WWOX: variants seen among roughly 807,000 people sequenced by gnomAD.
WWOX encodes WW domain containing oxidoreductase.
Under a neutral mutation model 46.2 loss-of-function variants are expected in WWOX, and 69 were observed. That is an observed-to-expected ratio of 1.49 (90% CI 1.23 to 1.82). The LOEUF (loss-of-function observed/expected upper bound fraction) is 1.82. WWOX is among the 40% of genes most tolerant of loss of function. The pLI, the probability that WWOX is intolerant of heterozygous loss-of-function variation, is 0.00. For synonymous variants in WWOX, 359 were observed against 202.6 expected (o/e 1.77, Z -6.56); for missense variants, 919 against 542.6 (o/e 1.69, Z -6.89).
At chr16:78,376,657 T>C (rs187476059) in intron 5 of WWOX, among the ~76,000 whole-genome samples, 2 of 152,294 alleles carry the variant, frequency 1.3e-5, no homozygotes, top group African/African-American at 4.8e-5. Flanking sequence ...TTGTAAGATA[T>C]TGAGTAGCAT....
rs192831528 is a variant in WWOX at position 78,382,988 on chromosome 16, G to C, written c.517-3872G>C. 1.0e-3 allele frequency among the ~76,000 whole-genome samples: 151 copies of C among 151,658 alleles called. 1 individual carries two copies. Among genetic ancestry groups the C allele is most frequent in the Non-Finnish European group, 2.4e-4 (16 of 67,968 alleles). On this transcript the variant is annotated intron_variant, in intron 5 of 8. Coordinates refer to ENST00000566780, the MANE Select transcript of WWOX (RefSeq NM_016373.4). ...TTCCAATCATGGCGAAGAGGAAGCAGGCAAATCTTAGCAGGAGCAGGAGGA... is the reference window on the plus strand; with the variant it reads ...TTCCAATCATGGCGAAGAGGAAGCACGCAAATCTTAGCAGGAGCAGGAGGA...
At chr16:78,194,722 C>T (rs961735778) in intron 5 of WWOX, among the ~76,000 whole-genome samples, 4 of 152,066 alleles carry the variant, frequency 2.6e-5, no homozygotes, top group African/African-American at 9.7e-5. Context: ...TCACCCCCAA[C>T]CCCAAACCCC....
intron 8 of WWOX, among the ~76,000 whole-genome samples, chr16:78,449,261 T>C (rs370260836): frequency 6.6e-5 from 10 of 152,174 alleles, no homozygotes; most frequent in East Asian, 5.8e-4. Flanking sequence ...ATAGAATCCA[T>C]TGGTAAAATG....
intron 8 of WWOX, among the ~76,000 whole-genome samples, chr16:78,989,829 TGTGTG>T (rs2046849509): frequency 1.3e-5 from 2 of 150,320 alleles, no homozygotes; most frequent in South Asian, 2.1e-4. Flanking sequence ...AGCGTGTGTG[TGTGTG>T]TGTGTGTGTG....
At chr16:78,503,098 G>C (rs1427832513) in intron 8 of WWOX, among the ~76,000 whole-genome samples, 1 of 152,142 alleles carries the variant, frequency 6.6e-6, no homozygotes, top group Non-Finnish European at 1.5e-5. Flanking sequence ...GACTGTTTTT[G>C]AGATTTATGA....
In WWOX at chr16:79,034,181, A is replaced by G. The variant is rs543780295; in HGVS notation, c.1057-177427A>G. Reference sequence around the variant, plus strand: ...CTTCTCCATCTATAACATTTCCCACATGCTACACTGAAGGGATATTTTAAG... The same window carrying G: ...CTTCTCCATCTATAACATTTCCCACGTGCTACACTGAAGGGATATTTTAAG... On this transcript the variant is annotated intron_variant, in intron 8 of 8. Transcript: ENST00000566780. Among the ~76,000 whole-genome samples the G allele has an allele frequency of 3.9e-5, 6 of 152,284 alleles. No individual in the cohort carries two copies. In the East Asian group the frequency reaches 7.7e-4, roughly 20 times the overall value.
At chr16:78,925,232 G>T (rs2045471473) in intron 8 of WWOX, among the ~76,000 whole-genome samples, 1 of 152,154 alleles carries the variant, frequency 6.6e-6, no homozygotes, top group Non-Finnish European at 1.5e-5. Context: ...CATTGGCTAA[G>T]CCTGGTAGAA....
intron 8 of WWOX, among the ~76,000 whole-genome samples, chr16:79,086,879 T>G (rs778485270): frequency 1.3e-5 from 2 of 152,114 alleles, no homozygotes; most frequent in African/African-American, 2.4e-5. Context: ...TGAGACCCTG[T>G]CCCAAAACAA....
chr16:78,361,024 T>G (rs2081399294), intron 5 of WWOX, among the ~76,000 whole-genome samples: 1 of 152,160 alleles, frequency 6.6e-6, no homozygotes, highest in Non-Finnish European at 1.5e-5. Flanking sequence ...GGTTTCATCA[T>G]GTTGCACAGG....
chr16:79,003,597 G>T (rs188723979), intron 8 of WWOX, among the ~76,000 whole-genome samples: 9 of 152,166 alleles, frequency 5.9e-5, no homozygotes, highest in South Asian at 2.1e-4. Flanking sequence ...AGGAGAGCTG[G>T]CCTTGGAGAG....
intron 8 of WWOX, among the ~76,000 whole-genome samples, chr16:78,534,796 A>G (rs28442197): frequency 0.014 from 2,143 of 151,432 alleles, 23 homozygotes; most frequent in African/African-American, 0.027. Context: ...TGCAACCTCC[A>G]CCTCCCGGGT....
At chr16:78,202,376 G>A (rs1053458390) in intron 5 of WWOX, among the ~76,000 whole-genome samples, 5 of 152,212 alleles carry the variant, frequency 3.3e-5, no homozygotes, top group East Asian at 1.9e-4. Context: ...TTCCAGGTAC[G>A]TAGCTGGTCA....
At chr16:79,066,618 A>G (rs2048446586) in intron 8 of WWOX, among the ~76,000 whole-genome samples, 1 of 152,256 alleles carries the variant, frequency 6.6e-6, no homozygotes, top group Admixed American at 6.5e-5. Context: ...CAAGGCCAGC[A>G]GAACTGAACA....
intron 8 of WWOX, among the ~76,000 whole-genome samples, chr16:78,586,342 C>G (rs759548137): frequency 1.3e-5 from 2 of 152,146 alleles, no homozygotes; most frequent in African/African-American, 4.8e-5. Context: ...AATAATTACT[C>G]TAGGTAACCT....
At chr16:78,113,575 C>T (rs771848410) in intron 3 of WWOX, among the ~76,000 whole-genome samples, 9 of 152,154 alleles carry the variant, frequency 5.9e-5, no homozygotes, top group Non-Finnish European at 1.2e-4. Context: ...GGCTAGTTCT[C>T]ACTTTTCTGA....
chr16:79,054,113 C>G (rs980521618), intron 8 of WWOX, among the ~76,000 whole-genome samples: 3 of 152,132 alleles, frequency 2.0e-5, no homozygotes, highest in Non-Finnish European at 2.9e-5. Flanking sequence ...TGTATAAGAT[C>G]TTTAATGTTT....
intron 8 of WWOX, among the ~76,000 whole-genome samples, chr16:78,821,115 A>G (rs1448601185): frequency 6.6e-6 from 1 of 152,200 alleles, no homozygotes; most frequent in African/African-American, 2.4e-5. Flanking sequence ...TATTGAACCC[A>G]CTGCACTGCA....
chr16:78,897,270 A>G (rs1361257100), intron 8 of WWOX: 1 of 142,734 alleles, frequency 7.0e-6, no homozygotes, highest in Non-Finnish European at 1.5e-5. Flanking sequence ...AAAAAAACCA[A>G]AAAAACAAAA....
chr16:78,878,501 T>A (rs1235735617), intron 8 of WWOX, among the ~76,000 whole-genome samples: 3 of 152,108 alleles, frequency 2.0e-5, no homozygotes, highest in Admixed American at 6.6e-5. Flanking sequence ...AAATAACACA[T>A]ATAAAAGGCT....
Sources: allele counts gnomAD v4.1 joint callset (sites outside exome capture counted in the v4.1 genomes callset), GRCh38; gene constraint gnomAD v4.1.1; transcripts MANE v1.5; gene names NCBI Gene and HGNC (gene_info 2026-07-23, HGNC 2026-07-21).